Variants in CALN1 observed in about 807,000 individuals in gnomAD.
CALN1 encodes the protein calneuron 1.
A neutral mutation model predicts 30.6 loss-of-function variants in CALN1; 17 were observed. The ratio of observed to expected loss-of-function variants is 0.56; its 90% CI spans 0.38 to 0.83. The LOEUF is 0.83. Ranked by LOEUF, CALN1 falls within the 40% of genes least tolerant of loss-of-function variation. The pLI, the probability that CALN1 is intolerant of heterozygous loss-of-function variation, is 0.00. For missense variants in CALN1, 291 were observed against 354.9 expected (o/e 0.82, Z 1.45); for synonymous variants, 156 against 131.4 (o/e 1.19, Z -1.28).
chr7:72,051,929 A>G (rs1802860266), intron 4 of CALN1, among the ~76,000 whole-genome samples: 1 of 152,226 alleles, frequency 6.6e-6, no homozygotes, highest in Non-Finnish European at 1.5e-5. Flanking sequence ...AGGCAGAAGC[A>G]TATTCTCCTA....
At chr7:72,348,922 ACAATGG>A (rs1238135232) in intron 2 of CALN1, among the ~76,000 whole-genome samples, 1 of 152,226 alleles carries the variant, frequency 6.6e-6, no homozygotes, top group African/African-American at 2.4e-5. Flanking sequence ...AGGAAAAATA[ACAATGG>A]CAATGGAATC....
intron 4 of CALN1, among the ~76,000 whole-genome samples, chr7:72,026,647 C>T (rs1391512180): frequency 6.6e-6 from 1 of 151,964 alleles, no homozygotes; most frequent in Non-Finnish European, 1.5e-5. Context: ...ATCTCCTGGG[C>T]TCAAGTGATC....
intron 5 of CALN1, among the ~76,000 whole-genome samples, chr7:72,020,708 T>C (rs1335709275): frequency 6.6e-6 from 1 of 152,150 alleles, no homozygotes; most frequent in Non-Finnish European, 1.5e-5. Context: ...GAAGAAAATC[T>C]TGAGTAAGAC....
intron 5 of CALN1, among the ~76,000 whole-genome samples, chr7:71,959,619 C>T (rs1050837390): frequency 1.3e-4 from 18 of 133,984 alleles, no homozygotes; most frequent in Non-Finnish European, 2.2e-4. Context: ...TTTACCTTTC[C>T]AGCTTTTTTT....
chr7:71,793,645 G>A (rs1786711496), intron 6 of CALN1, among the ~76,000 whole-genome samples: 1 of 152,156 alleles, frequency 6.6e-6, no homozygotes, highest in Admixed American at 6.5e-5. Flanking sequence ...GTTGAGGTGG[G>A]TGGATCGCCT....
intron 5 of CALN1, among the ~76,000 whole-genome samples, chr7:71,941,411 G>T (rs1425175367): frequency 1.3e-5 from 2 of 151,948 alleles, no homozygotes. Context: ...AACTGACGGG[G>T]GGAAGACTGA....
chr7:72,096,042 A>AAGATAGATAGAC (rs1806196705), intron 4 of CALN1, among the ~76,000 whole-genome samples: 1 of 143,078 alleles, frequency 7.0e-6, no homozygotes, highest in African/African-American at 2.6e-5. Context: ...TTGTCTCTAA[A>AAGATAGATAGAC]AGATAGATAG....
chr7:71,824,308 C>A (rs538565407), intron 5 of CALN1, among the ~76,000 whole-genome samples: 1 of 152,130 alleles, frequency 6.6e-6, no homozygotes, highest in South Asian at 2.1e-4. Context: ...CATTGTCCCC[C>A]CAAAATCCAG....
chr7:71,827,158 C>A (rs1025578659), intron 5 of CALN1, among the ~76,000 whole-genome samples: 1 of 152,150 alleles, frequency 6.6e-6, no homozygotes, highest in Non-Finnish European at 1.5e-5. Flanking sequence ...TTCAACTTGG[C>A]GTGTCACTTA....
chr7:71,963,160 T>TTTA (rs939315264), intron 5 of CALN1, among the ~76,000 whole-genome samples: 3 of 151,956 alleles, frequency 2.0e-5, no homozygotes, highest in Non-Finnish European at 4.4e-5. Flanking sequence ...CTTTGTTATT[T>TTTA]TTATTATTAT....
At chr7:71,813,997 G>GCTA (rs879936813) in intron 5 of CALN1, among the ~76,000 whole-genome samples, 7 of 150,322 alleles carry the variant, frequency 4.7e-5, no homozygotes, top group Non-Finnish European at 8.8e-5. Context: ...AAGAGGATAA[G>GCTA]CTACACGGGT....
At chr7:71,837,103 G>A (rs930408962) in intron 5 of CALN1, among the ~76,000 whole-genome samples, 4 of 151,316 alleles carry the variant, frequency 2.6e-5, no homozygotes, top group Admixed American at 6.6e-5. Context: ...ATGGTAGCAC[G>A]GGCCTGTAAT....
intron 5 of CALN1, among the ~76,000 whole-genome samples, chr7:71,814,437 G>A (rs552601953): frequency 1.3e-5 from 2 of 152,318 alleles, no homozygotes; most frequent in South Asian, 2.1e-4. Flanking sequence ...CTGTTGGGAA[G>A]TCTCCCCTGG....
chr7:72,333,751 C>A (rs1005896527), intron 2 of CALN1, among the ~76,000 whole-genome samples: 2 of 151,012 alleles, frequency 1.3e-5, no homozygotes, highest in African/African-American at 2.4e-5. Context: ...CAAACCAGTA[C>A]AGGCACACGT....
At chr7:72,282,277 C>T (rs1324570478) in intron 2 of CALN1, among the ~76,000 whole-genome samples, 1 of 152,064 alleles carries the variant, frequency 6.6e-6, no homozygotes, top group Non-Finnish European at 1.5e-5. Flanking sequence ...GAGCAACAAA[C>T]AAAAATAAAT....
At chr7:72,330,472 A>AAC (rs1270141991) in intron 2 of CALN1, among the ~76,000 whole-genome samples, 2 of 150,970 alleles carry the variant, frequency 1.3e-5, no homozygotes, top group African/African-American at 4.9e-5. Flanking sequence ...TCTCCAAAAA[A>AAC]AAAAAAAAAA....
At chr7:71,796,149 T>A (rs1289767508) in intron 6 of CALN1, among the ~76,000 whole-genome samples, 1 of 151,938 alleles carries the variant, frequency 6.6e-6, no homozygotes, top group Non-Finnish European at 1.5e-5. Flanking sequence ...TATGACCGGA[T>A]AATATTTTAT....
intron 3 of CALN1, among the ~76,000 whole-genome samples, chr7:72,157,184 CACTT>C (rs1233831246): frequency 6.6e-6 from 1 of 152,140 alleles, no homozygotes; most frequent in Non-Finnish European, 1.5e-5. Context: ...TTCATTCATT[CACTT>C]ACCCATTTGG....
At chr7:72,329,149 T>A (rs899204668) in intron 2 of CALN1, among the ~76,000 whole-genome samples, 10 of 152,286 alleles carry the variant, frequency 6.6e-5, no homozygotes, top group African/African-American at 2.4e-4. Flanking sequence ...ACCACGTTTT[T>A]AAACAAAACT....
Sources: allele counts gnomAD v4.1 joint callset (sites outside exome capture counted in the v4.1 genomes callset), GRCh38; gene constraint gnomAD v4.1.1; transcripts MANE v1.5; gene names NCBI Gene and HGNC (gene_info 2026-07-23, HGNC 2026-07-21).